Variants in ANO2 observed in about 807,000 individuals in gnomAD.
ANO2 encodes anoctamin 2.
In ANO2, 101 loss-of-function variants were observed where a neutral mutation model predicts 124.2. That is an observed-to-expected ratio of 0.81 (90% CI 0.69 to 0.96). The LOEUF (loss-of-function observed/expected upper bound fraction) is 0.96, where lower values mean the gene tolerates loss of function less well. Among genes scored for constraint, ANO2 ranks in the 40% least tolerant of loss-of-function variants. The pLI, the probability that ANO2 is intolerant of heterozygous loss-of-function variation, is 0.00. For synonymous variants in ANO2, 486 were observed against 482.5 expected (o/e 1.01, Z -0.09); for missense variants, 1,293 against 1,274.5 (o/e 1.01, Z -0.22).
intron 16 of ANO2, among the ~76,000 whole-genome samples, chr12:5,633,322 C>T (rs191070582): frequency 2.0e-5 from 3 of 152,318 alleles, no homozygotes; most frequent in Admixed American, 2.0e-4. Context: ...CCACTGCCTG[C>T]CATGGAGAGA....
At chr12:5,846,334 G>T (rs532467271) in intron 4 of ANO2, among the ~76,000 whole-genome samples, 14 of 152,296 alleles carry the variant, frequency 9.2e-5, no homozygotes, top group Admixed American at 3.3e-4. Context: ...CACGTAGGAA[G>T]ATCCATGCAC....
intron 10 of ANO2, among the ~76,000 whole-genome samples, chr12:5,792,238 A>G (rs1457854198): frequency 1.3e-5 from 2 of 152,218 alleles, no homozygotes; most frequent in African/African-American, 4.8e-5. Flanking sequence ...GTCTAAAGGA[A>G]TGTCCCCGGG....
At chr12:5,611,555 G>T (rs760122427) in intron 19 of ANO2, among the ~76,000 whole-genome samples, 1 of 152,098 alleles carries the variant, frequency 6.6e-6, no homozygotes, top group African/African-American at 2.4e-5. Flanking sequence ...CTACTCTCTG[G>T]CCTTTAAAGA....
At position 5,694,251 on chromosome 12, in the gene ANO2, C is replaced by CAGAGAGAGAGAGAGAGAG. The variant is rs5796182; in HGVS notation, c.1545+38251_1545+38268dup. Reference sequence around the variant, plus strand: ...CCTTAGCAGAAGGGTTTACCAGAGACAGAGAGAGAGAGAGAGAGAGAGAGA... The same window carrying CAGAGAGAGAGAGAGAGAG: ...CCTTAGCAGAAGGGTTTACCAGAGACAGAGAGAGAGAGAGAGAGAGAGAGAGAGAGAGAGAGAGAGAGA... On this transcript the variant is annotated intron_variant, in intron 14 of 24. Transcript: ENST00000682330. Among the ~76,000 whole-genome samples the CAGAGAGAGAGAGAGAGAG allele has an allele frequency of 9.3e-3, 1,248 of 133,890 alleles. 12 individuals are homozygous for CAGAGAGAGAGAGAGAGAG. The highest frequency in any genetic ancestry group is 0.026 in the Admixed American group (341 of 13,046). 87.8% of individuals were successfully genotyped at this position (133,890 alleles called of 152,430 possible). A position where few individuals can be genotyped will look rare whatever the true frequency, so the allele number is the denominator to read the frequency against.
chr12:5,901,295 CT>C (rs1381387492), intron 3 of ANO2, among the ~76,000 whole-genome samples: 1 of 152,176 alleles, frequency 6.6e-6, no homozygotes, highest in African/African-American at 2.4e-5. Flanking sequence ...GCAATGTGAT[CT>C]GGTGACAAAG....
intron 7 of ANO2, among the ~76,000 whole-genome samples, chr12:5,810,183 A>C (rs1953343614): frequency 6.6e-6 from 1 of 152,132 alleles, no homozygotes; most frequent in African/African-American, 2.4e-5. Context: ...TCAGTGGCTG[A>C]TAAGGGAAGG....
intron 19 of ANO2, among the ~76,000 whole-genome samples, chr12:5,602,597 G>A (rs1591709658): frequency 2.0e-5 from 3 of 152,210 alleles, no homozygotes; most frequent in East Asian, 3.9e-4. Flanking sequence ...AGAGACAATG[G>A]TGGGGAAGAA....
chr12:5,628,223 T>C (rs1945513773), intron 16 of ANO2, among the ~76,000 whole-genome samples: 1 of 152,208 alleles, frequency 6.6e-6, no homozygotes, highest in African/African-American at 2.4e-5. Context: ...TCTCTGTGCA[T>C]GTGGGACAGG....
chr12:5,913,634 G>A (rs1941190103), intron 3 of ANO2, among the ~76,000 whole-genome samples: 1 of 152,186 alleles, frequency 6.6e-6, no homozygotes, highest in Admixed American at 6.5e-5. Flanking sequence ...CTCAGACAGG[G>A]TCCAAATCCC....
intron 1 of ANO2, among the ~76,000 whole-genome samples, chr12:5,924,799 C>A (rs1942003340): frequency 6.6e-6 from 1 of 152,198 alleles, no homozygotes; most frequent in African/African-American, 2.4e-5. Context: ...TCCCCCACAG[C>A]CTGCTTTTCC....
intron 14 of ANO2, among the ~76,000 whole-genome samples, chr12:5,715,659 C>T (rs1233671978): frequency 1.3e-5 from 2 of 152,210 alleles, no homozygotes; most frequent in Non-Finnish European, 2.9e-5. Context: ...CCTGACTTCA[C>T]TCGTGATTAA....
chr12:5,818,508 G>T (rs1289481999), intron 7 of ANO2, among the ~76,000 whole-genome samples: 11 of 106,048 alleles, frequency 1.0e-4, no homozygotes, highest in East Asian at 5.5e-4. Context: ...TATGTAATAG[G>T]ATATATATAT....
rs1452213852 is a variant in ANO2, at chr12:5,628,450, A to T, written c.1816+6702T>A. On this transcript the variant is annotated intron_variant, in intron 16 of 24. Coordinates refer to ENST00000682330, the MANE Select transcript of ANO2 (RefSeq NM_001364791.2). ...CAAGGACAGCTACATATTAAAAGGC[A>T]CTAGAGTGTCATGGTTTTAGCAAGG... Among the ~76,000 whole-genome samples, 3 of 152,230 alleles carry T rather than the reference A, an allele frequency of 2.0e-5. No individual in the cohort carries two copies. The East Asian group carries it at 5.8e-4, about 29-fold the overall frequency.
chr12:5,620,034 T>C (rs1163124289), intron 16 of ANO2, among the ~76,000 whole-genome samples: 2 of 152,164 alleles, frequency 1.3e-5, no homozygotes, highest in Non-Finnish European at 2.9e-5. Context: ...CAGTGGTCAG[T>C]TGTAGGTGAG....
chr12:5,879,757 G>A (rs12296502), intron 3 of ANO2, among the ~76,000 whole-genome samples: 2,969 of 152,286 alleles, frequency 0.019, 90 homozygotes, highest in African/African-American at 0.068. Flanking sequence ...TTTGACTCCA[G>A]CCTAGGGTGT....
intron 10 of ANO2, among the ~76,000 whole-genome samples, chr12:5,786,235 A>G (rs1952535933): frequency 6.6e-6 from 1 of 152,156 alleles, no homozygotes. Flanking sequence ...CTGAAGAACC[A>G]TAGGAAGTTA....
At chr12:5,902,713 A>G (rs1394206662) in intron 3 of ANO2, among the ~76,000 whole-genome samples, 1 of 214 alleles carries the variant, frequency 4.7e-3, no homozygotes, top group Non-Finnish European at 8.3e-3. Context: ...GGAGGGGAGG[A>G]GGGGGAGGGG....
intron 1 of ANO2, among the ~76,000 whole-genome samples, chr12:5,943,790 C>T (rs930593104): frequency 6.6e-6 from 1 of 152,174 alleles, no homozygotes; most frequent in Non-Finnish European, 1.5e-5. Flanking sequence ...GTGGGATGGG[C>T]TTCTCTCAGC....
At chr12:5,758,950 T>C (rs1357462739) in intron 10 of ANO2, among the ~76,000 whole-genome samples, 1 of 151,942 alleles carries the variant, frequency 6.6e-6, no homozygotes, top group Non-Finnish European at 1.5e-5. Flanking sequence ...AATTAATAGA[T>C]TAAAGCAGAA....
Sources: gnomAD v4.1 joint callset for allele counts (sites outside exome capture counted in the v4.1 genomes callset) on GRCh38, gnomAD v4.1.1 for gene constraint, MANE v1.5 for transcripts, NCBI Gene and HGNC (gene_info 2026-07-23, HGNC 2026-07-21) for gene names.